TERT: variants seen among roughly 807,000 people sequenced by gnomAD.
TERT encodes telomerase reverse transcriptase.
Under a neutral mutation model 104.0 loss-of-function variants are expected in TERT, and 42 were observed. The observed-to-expected ratio is 0.40, with a 90% confidence interval of 0.32 to 0.52. TERT has a LOEUF of 0.52. Ranked by LOEUF, TERT falls within the 20% of genes least tolerant of loss-of-function variation. The pLI is 0.43. For synonymous variants in TERT, 781 were observed against 725.6 expected (o/e 1.08, Z -1.23); for missense variants, 1,101 against 1,610.3 (o/e 0.68, Z 5.41).
At position 1,293,744 on chromosome 5, in the gene TERT, C is replaced by G. The variant is rs777343359; in HGVS notation, c.1142G>C (p.Arg381Pro). The change falls in exon 2 of 16, where the codon CGC becomes CCC. Residue 381 changes from arginine (R) to proline (P), a missense_variant. Around this residue, in one of 5 missense-constraint regions of TERT, gnomAD observed 504 missense variants for 544.6 expected, o/e 0.93. Transcript: ENST00000310581. The part of the protein sequence containing the change: ...WMPGTPRRLP[R>P]LPQRYWQMRP... ...CATTTGCCAGTAGCGCTGGGGCAGG[C>G]GGGGCAACCTGCGGGGAGTCCCTGG... is the stretch of plus-strand genomic sequence containing the variant. The G allele has an allele frequency of 2.7e-5, 43 of 1,564,628 alleles. No homozygotes were observed. The highest frequency in any genetic ancestry group is 2.1e-5 in the Non-Finnish European group (24 of 1,154,960).
chr5:1,270,325 A>G lies in TERT; in HGVS notation c.2468+794T>C, dbSNP rs1206363529. Among the ~76,000 whole-genome samples the G allele has an allele frequency of 6.6e-6, 1 of 152,226 alleles. No homozygotes were observed. The highest frequency in any genetic ancestry group is 1.5e-5 in the Non-Finnish European group (1 of 68,028). On this transcript the variant is annotated intron_variant, in intron 8 of 15. Coordinates refer to ENST00000310581, the MANE Select transcript of TERT (RefSeq NM_198253.3). This position sits in a 1 kb window ranked among gnomAD's most constrained non-coding sequence, Gnocchi z 8.3. ...TCCTTTATCCGCTGGAGACGATCCC[A>G]GAGAGAGGCCTCCACGTTCCACCTG...
intron 4 of TERT, 84 bp downstream of exon 4, chr5:1,280,074 C>T (rs34197543): frequency 5.4e-5 from 84 of 1,556,200 alleles, no homozygotes; most frequent in African/African-American, 4.5e-4. Context: ...GCCCCTCCTC[C>T]GGGCCCTTCA....
chr5:1,290,269 C>A (rs1252443293), intron 2 of TERT, among the ~76,000 whole-genome samples: 1 of 66,826 alleles, frequency 1.5e-5, no homozygotes, highest in Non-Finnish European at 2.7e-5. Context: ...CCGTGCCTCA[C>A]TCACCCTGAA....
At chr5:1,281,847 G>C (rs1750044283) in intron 3 of TERT, among the ~76,000 whole-genome samples, 1 of 152,192 alleles carries the variant, frequency 6.6e-6, no homozygotes, top group South Asian at 2.1e-4. Flanking sequence ...CAGCACTTTG[G>C]GAGGCCAAGG....
rs1344440089 is a variant in TERT at position 1,265,124 on chromosome 5, G to T, written c.2655-532C>A. On this transcript the variant is annotated intron_variant, in intron 10 of 15. Transcript: ENST00000310581. This position sits in a 1 kb window ranked among gnomAD's most constrained non-coding sequence, Gnocchi z 6.9. Reference sequence around the variant, plus strand: ...CTGGGCTGTGAGCTGGGCAACACCAGTCGTCAGCTTCACGTCAAGGAGGTT... The same window carrying T: ...CTGGGCTGTGAGCTGGGCAACACCATTCGTCAGCTTCACGTCAAGGAGGTT... Among the ~76,000 whole-genome samples, 1 of 152,216 alleles carries T rather than the reference G, an allele frequency of 6.6e-6. No homozygotes were observed. Among genetic ancestry groups the T allele is most frequent in the East Asian group, 1.9e-4 (1 of 5,200 alleles).
chr5:1,264,118 C>A, intron 11 of TERT: 1 of 485,916 alleles, frequency 2.1e-6, no homozygotes, highest in African/African-American at 1.9e-5. Context: ...GTCTTGGGTT[C>A]GGATCCAGAC....
At position 1,287,210 on chromosome 5, in the gene TERT, T is replaced by C. The variant is rs1750548139; in HGVS notation, c.1574-4586A>G. Among the ~76,000 whole-genome samples the C allele has an allele frequency of 6.6e-6, 1 of 152,002 alleles. No homozygotes were observed. Among genetic ancestry groups the C allele is most frequent in the Non-Finnish European group, 1.5e-5 (1 of 68,000 alleles). On this transcript the variant is annotated intron_variant, in intron 2 of 15. Coordinates refer to ENST00000310581, the MANE Select transcript of TERT (RefSeq NM_198253.3). The surrounding 1 kb of genome is among the most constrained non-coding windows in gnomAD (Gnocchi z 4.3). Reference sequence around the variant, plus strand: ...CCACACTATAAGAATATAAAAGTGTTGAAAATTAGGCCAGACATGGTGGCT... The same window carrying C: ...CCACACTATAAGAATATAAAAGTGTCGAAAATTAGGCCAGACATGGTGGCT...
At position 1,268,675 on chromosome 5, in the gene TERT, G is replaced by T; in HGVS notation, c.2469-42C>A. 1.4e-6 allele frequency: 2 copies of T among 1,404,662 alleles called. No individual in the cohort carries two copies. Among genetic ancestry groups the T allele is most frequent in the African/African-American group, 1.4e-5 (1 of 70,958 alleles). 87.0% of individuals were successfully genotyped at this position (1,404,662 alleles called of 1,614,324 possible). A position where few individuals can be genotyped will look rare whatever the true frequency, so the allele number is the denominator to read the frequency against. ...CAGGTGAGAGACGGGCAGGGCATGT[G>T]CTGGACATGCGTACACTCAAACCGA... On this transcript the variant is annotated intron_variant, in intron 8 of 15. Transcript: ENST00000310581. This position sits in a 1 kb window ranked among gnomAD's most constrained non-coding sequence, Gnocchi z 5.5.
In TERT at chr5:1,256,036, G is replaced by A. The variant is rs762265203; in HGVS notation, c.3033-625C>T. Among the ~76,000 whole-genome samples the A allele has an allele frequency of 6.6e-6, 1 of 151,906 alleles. No individual in the cohort carries two copies. The highest frequency in any genetic ancestry group is 2.4e-5 in the African/African-American group (1 of 41,334). On this transcript the variant is annotated intron_variant, in intron 13 of 15. Transcript: ENST00000310581. This position sits in a 1 kb window ranked among gnomAD's most constrained non-coding sequence, Gnocchi z 7.0. ...GTCTTCTTTGTTGTTGTTGAGATGG[G>A]CTCTCACTCTGTCACCCAGGCTGCA...
rs766050973 is a variant in TERT at position 1,254,393 on chromosome 5, C to G, written c.3270G>C (p.Val1090=). The G allele has an allele frequency of 6.2e-7, 1 of 1,613,276 alleles. No individual in the cohort carries two copies. Among genetic ancestry groups the G allele is most frequent in the South Asian group, 1.1e-5 (1 of 91,088 alleles). ...CTGTCCTGAGTGACCCCAGGAGTGG[C>G]ACGTAGGTGACACGGTGTCGAGTCA... ...LKLTRHRVTY[V]PLLGSLRTAQ... is the part of the protein sequence containing the mutation. Residue 1090 remains valine, a synonymous_variant, in exon 15 of 16, where the codon GTG becomes GTC. Coordinates refer to ENST00000310581, the MANE Select transcript of TERT (RefSeq NM_198253.3).
chr5:1,271,288 C>A, intron 7 of TERT, 84 bp from the exon 8 acceptor site: 1 of 955,340 alleles, frequency 1.0e-6, no homozygotes. Context: ...CCCTCCGTCC[C>A]TTTTGGGGTC....
rs375423906 is a variant in TERT at position 1,294,052 on chromosome 5, G to C, written c.834C>G (p.Pro278=). The stretch of plus-strand genomic sequence containing the variant: ...CCTCCAAAGAGGTGGCTTCTTCGGC[G>C]GGTCTGGCAGGTGACACCACACAGA... ...RGFCVVSPAR[P]AEEATSLEGA... Residue 278 remains proline, a synonymous_variant, in exon 2 of 16, where the codon CCC becomes CCG. Coordinates refer to ENST00000310581, the MANE Select transcript of TERT (RefSeq NM_198253.3). 2 of 1,590,808 alleles carry C rather than the reference G, an allele frequency of 1.3e-6. No individual in the cohort carries two copies. The highest frequency in any genetic ancestry group is 1.7e-6 in the Non-Finnish European group (2 of 1,170,916).
intron 3 of TERT, among the ~76,000 whole-genome samples, chr5:1,282,103 AAGAG>A (rs953550685): frequency 2.0e-5 from 3 of 152,070 alleles, no homozygotes; most frequent in African/African-American, 4.8e-5. Context: ...AGAAAAAAAA[AAGAG>A]AGAGAGAATC....
chr5:1,253,818 C>T lies in TERT; in HGVS notation c.3309G>A (p.Leu1103=), dbSNP rs1311028871. Residue 1103 remains leucine (L), a synonymous_variant, in exon 16 of 16, where the codon CTG becomes CTA. Coordinates refer to ENST00000310581, the MANE Select transcript of TERT (RefSeq NM_198253.3). ...LGSLRTAQTQ[L]SRKLPGTTLT... ...GCGTCGTCCCCGGGAGCTTCCGACT[C>T]AGCTGCGTCTGGGCTGCGGGGCCAA... 1 of 1,610,282 alleles carries T rather than the reference C, an allele frequency of 6.2e-7. No individual in the cohort carries two copies. Among genetic ancestry groups the T allele is most frequent in the Non-Finnish European group, 8.5e-7 (1 of 1,179,190 alleles).
chr5:1,260,627 A>G (rs759402988), intron 11 of TERT, 27 bp from the exon 12 acceptor site: 26 of 1,612,682 alleles, frequency 1.6e-5, no homozygotes, highest in Non-Finnish European at 2.1e-5. Context: ...AATGTCAGAC[A>G]CAGGTGCCTG....
chr5:1,277,068 G>A (rs62332568), intron 6 of TERT, among the ~76,000 whole-genome samples: 22 of 152,316 alleles, frequency 1.4e-4, no homozygotes, highest in East Asian at 7.7e-4. Flanking sequence ...GCCACCTCCC[G>A]CAAGAGCCCC....
rs1346749514 is a variant in TERT at position 1,294,432 on chromosome 5, G to A, written c.454C>T (p.Leu152=). The change falls in exon 2 of 16, where the codon CTG becomes TTG. Residue 152 remains leucine (L), a synonymous_variant. Coordinates refer to ENST00000310581, the MANE Select transcript of TERT (RefSeq NM_198253.3). ...ACAAAGAGCGCGCAGCGTGCCAGCAGGTGAACCAGCACGTCGTCGCCCACG... is the reference window on the plus strand; with the variant it reads ...ACAAAGAGCGCGCAGCGTGCCAGCAAGTGAACCAGCACGTCGTCGCCCACG... ...RRVGDDVLVH[L]LARCALFVLV... The A allele has an allele frequency of 1.3e-6, 2 of 1,592,534 alleles. No individual in the cohort carries two copies. The highest frequency in any genetic ancestry group is 8.5e-7 in the Non-Finnish European group (1 of 1,177,334).
intron 6 of TERT, among the ~76,000 whole-genome samples, chr5:1,276,849 G>A (rs1008045633): frequency 1.3e-5 from 2 of 152,238 alleles, no homozygotes; most frequent in African/African-American, 2.4e-5. Flanking sequence ...AGTGGACTGC[G>A]TTACTGGACT....
At position 1,292,490 on chromosome 5, in the gene TERT, A is replaced by G. The variant is rs1751055449; in HGVS notation, c.1573+823T>C. On this transcript the variant is annotated intron_variant, in intron 2 of 15. Transcript: ENST00000310581. The surrounding 1 kb of genome is among the most constrained non-coding windows in gnomAD (Gnocchi z 5.5). ...AGAACAGTCTTATCTCCCTCCCTCT[A>G]CCCTGTCCTGGCACAATCAACGAAC... Among the ~76,000 whole-genome samples, 1 of 150,634 alleles carries G rather than the reference A, an allele frequency of 6.6e-6. No individual in the cohort carries two copies. The highest frequency in any genetic ancestry group is 1.5e-5 in the Non-Finnish European group (1 of 67,780).
Sources: gnomAD v4.1 joint callset for allele counts (sites outside exome capture counted in the v4.1 genomes callset) on GRCh38, gnomAD v4.1.1 for gene constraint, gnomAD v4.1.1 regional missense constraint, Gnocchi (gnomAD v3.1) non-coding constraint, MANE v1.5 for transcripts, NCBI Gene and HGNC (gene_info 2026-07-23, HGNC 2026-07-21) for gene names.